The following ZNF423 variants were observed in gnomAD, a reference collection of about 807,000 sequenced individuals.
ZNF423 encodes Ebf-associated zinc finger protein.
ZNF423 carries 12 observed loss-of-function variants against 95.8 expected under a neutral mutation model. That is an observed-to-expected ratio of 0.13 (90% confidence interval 0.08 to 0.20). The LOEUF is 0.20. Among genes scored for constraint, ZNF423 ranks in the 10% least tolerant of loss-of-function variants. The pLI is 1.00. For synonymous variants in ZNF423, 749 were observed against 711.9 expected, an observed-to-expected ratio of 1.05 and a Z score of -0.83; for missense variants, 1,316 against 1,737.1, an observed-to-expected ratio of 0.76 and a Z score of 4.31.
Position 49,631,187 on chromosome 16 carries a change from C to G in ZNF423, c.3516+4473G>C, listed in dbSNP as rs531950277. ...CAACCCCAGTACACACACCGGTACT[C>G]CCAAATACGCCCACAGACATGCATG... is the stretch of plus-strand genomic sequence containing the variant. On this transcript the variant is annotated intron_variant, in intron 4 of 7. Coordinates refer to ENST00000563137, the MANE Select transcript of ZNF423 (RefSeq NM_001379286.1). 4.5e-4 allele frequency among the ~76,000 whole-genome samples: 69 copies of G among 152,292 alleles called. No individual in the cohort carries two copies. In the South Asian group the frequency reaches 0.014, roughly 32 times the overall value.
intron 2 of ZNF423, among the ~76,000 whole-genome samples, chr16:49,771,024 T>G (rs1186042339): frequency 5.3e-5 from 8 of 151,830 alleles, no homozygotes; most frequent in African/African-American, 1.9e-4. Context: ...AAGCCAATCT[T>G]CCCCTCTGCC....
At chr16:49,808,739 C>G (rs904744833) in intron 1 of ZNF423, among the ~76,000 whole-genome samples, 1 of 152,168 alleles carries the variant, frequency 6.6e-6, no homozygotes, top group African/African-American at 2.4e-5. Context: ...TCATCCACCC[C>G]CCAGGGCCGT....
intron 3 of ZNF423, among the ~76,000 whole-genome samples, chr16:49,687,244 T>C (rs572608171): frequency 6.6e-6 from 1 of 150,388 alleles, no homozygotes; most frequent in South Asian, 2.1e-4. Context: ...CTGCCCTCTC[T>C]CAACACATTT....
At chr16:49,652,215 C>G (rs1973434968) in intron 3 of ZNF423, among the ~76,000 whole-genome samples, 1 of 151,792 alleles carries the variant, frequency 6.6e-6, no homozygotes, top group Non-Finnish European at 1.5e-5. Flanking sequence ...GTCCACCTTT[C>G]CCCTTGAAGC....
At chr16:49,572,889 C>T (rs1970394474) in intron 5 of ZNF423, among the ~76,000 whole-genome samples, 1 of 152,196 alleles carries the variant, frequency 6.6e-6, no homozygotes, top group African/African-American at 2.4e-5. Context: ...TAGTCTCTTA[C>T]AGAACTCATG....
chr16:49,647,225 A>T (rs528200139), intron 3 of ZNF423, among the ~76,000 whole-genome samples: 1 of 152,350 alleles, frequency 6.6e-6, no homozygotes, highest in East Asian at 1.9e-4. Flanking sequence ...CCTGCCATTG[A>T]GGCAAAGTCA....
chr16:49,781,676 C>T (rs540579620), intron 2 of ZNF423, among the ~76,000 whole-genome samples: 2 of 152,270 alleles, frequency 1.3e-5, no homozygotes, highest in East Asian at 3.9e-4. Flanking sequence ...GGTGAAAGGC[C>T]CGGGCTTCTG....
upstream of ZNF423, among the ~76,000 whole-genome samples, chr16:49,858,258 G>T (rs1250126406): frequency 6.7e-6 from 1 of 149,262 alleles, no homozygotes; most frequent in Non-Finnish European, 1.5e-5. The surrounding 1 kb of genome is among the most constrained non-coding windows in gnomAD (Gnocchi z 4.3). Context: ...CCCGCCCCAC[G>T]CAGGGTGCCC....
At chr16:49,528,131 C>G (rs1044639402) in intron 5 of ZNF423, among the ~76,000 whole-genome samples, 1 of 152,116 alleles carries the variant, frequency 6.6e-6, no homozygotes, top group African/African-American at 2.4e-5. Flanking sequence ...CGCTCTCTGC[C>G]GAGCGGGGGC....
intron 5 of ZNF423, 110 bp downstream of exon 5, chr16:49,626,060 A>G: frequency 9.7e-7 from 1 of 1,033,546 alleles, no homozygotes; most frequent in Non-Finnish European, 1.5e-6. Context: ...CAGAAACAGC[A>G]GCAGTGACTC....
At chr16:49,700,622 C>T (rs1032559090) in intron 3 of ZNF423, among the ~76,000 whole-genome samples, 6 of 152,344 alleles carry the variant, frequency 3.9e-5, no homozygotes, top group South Asian at 2.1e-4. Flanking sequence ...TGCTCAGGAA[C>T]GCAGCCGCCA....
intron 5 of ZNF423, among the ~76,000 whole-genome samples, chr16:49,562,431 G>A (rs185005684): frequency 5.6e-4 from 85 of 152,332 alleles, no homozygotes; most frequent in Non-Finnish European, 1.1e-3. Context: ...AGTGCTTGGC[G>A]CAGTGCCTGG....
At chr16:49,581,269 GA>G (rs1321183572) in intron 5 of ZNF423, among the ~76,000 whole-genome samples, 1 of 152,102 alleles carries the variant, frequency 6.6e-6, no homozygotes, top group Non-Finnish European at 1.5e-5. Flanking sequence ...AGTTTACTGT[GA>G]AAAAAAGCAA....
chr16:49,629,796 A>G (rs1246295479), intron 4 of ZNF423, among the ~76,000 whole-genome samples: 1 of 152,244 alleles, frequency 6.6e-6, no homozygotes, highest in Non-Finnish European at 1.5e-5. Flanking sequence ...ATTCAGGCAG[A>G]GGTGACAAAG....
intron 1 of ZNF423, chr16:49,854,909 C>G (rs1314321794): frequency 3.0e-6 from 3 of 985,128 alleles, no homozygotes; most frequent in Non-Finnish European, 3.6e-6. Flanking sequence ...GCCTGGGTGT[C>G]GAGGGTGCCG....
intron 5 of ZNF423, among the ~76,000 whole-genome samples, chr16:49,531,712 G>A (rs1968852395): frequency 6.6e-6 from 1 of 152,150 alleles, no homozygotes; most frequent in African/African-American, 2.4e-5. Flanking sequence ...AGTCAACCAG[G>A]GTCATAGGAG....
chr16:49,649,673 A>AGT (rs1973324895), intron 3 of ZNF423, among the ~76,000 whole-genome samples: 1 of 92,948 alleles, frequency 1.1e-5, no homozygotes, highest in African/African-American at 3.8e-5. Flanking sequence ...ACACACAGGG[A>AGT]GAGAGAGAGA....
chr16:49,548,149 G>C (rs774106254), intron 5 of ZNF423, among the ~76,000 whole-genome samples: 1 of 152,054 alleles, frequency 6.6e-6, no homozygotes. Flanking sequence ...CACCTCACCC[G>C]ACCTCACCCA....
intron 3 of ZNF423, chr16:49,712,040 T>G (rs985734177): frequency 6.6e-6 from 1 of 152,190 alleles, no homozygotes; most frequent in Non-Finnish European, 1.5e-5. Context: ...GGAGAATCGC[T>G]TGAGCCCAGG....
Sources: gnomAD v4.1 joint callset for allele counts (sites outside exome capture counted in the v4.1 genomes callset) on GRCh38, gnomAD v4.1.1 for gene constraint, Gnocchi (gnomAD v3.1) non-coding constraint, MANE v1.5 for transcripts, NCBI Gene and HGNC (gene_info 2026-07-23, HGNC 2026-07-21) for gene names.